The following CDH18 variants were observed in gnomAD, a reference collection of about 807,000 sequenced individuals.
CDH18 encodes the protein cadherin 18, also known as cadherin-18.
Under a neutral mutation model 67.9 loss-of-function variants are expected in CDH18, and 31 were observed. The observed-to-expected ratio is 0.46, with a 90% CI of 0.34 to 0.62. CDH18 has a LOEUF of 0.62. Among genes scored for constraint, CDH18 ranks in the 20% least tolerant of loss-of-function variants. CDH18 has a pLI of 0.01. For missense variants in CDH18, 890 were observed against 975.5 expected (o/e 0.91, Z 1.17); for synonymous variants, 362 against 347.2 (o/e 1.04, Z -0.48).
At chr5:19,728,217 A>G (rs919706203) in intron 4 of CDH18, among the ~76,000 whole-genome samples, 11 of 152,170 alleles carry the variant, frequency 7.2e-5, no homozygotes, top group African/African-American at 2.4e-4. Context: ...TGGTTTCCCA[A>G]TTAAAGAAAA....
chr5:19,578,197 T>C (rs528039471), intron 7 of CDH18, among the ~76,000 whole-genome samples: 1 of 152,352 alleles, frequency 6.6e-6, no homozygotes, highest in African/African-American at 2.4e-5. Flanking sequence ...GAAACGAATG[T>C]AAATTTGTCT....
chr5:20,455,847 G>A (rs1363773550), intron 1 of CDH18, among the ~76,000 whole-genome samples: 1 of 151,894 alleles, frequency 6.6e-6, no homozygotes, highest in Non-Finnish European at 1.5e-5. Flanking sequence ...CCTTTCTCAT[G>A]TCTTTCACTT....
At chr5:19,995,221 A>G (rs1326248141) in intron 2 of CDH18, among the ~76,000 whole-genome samples, 3 of 152,054 alleles carry the variant, frequency 2.0e-5, no homozygotes, top group South Asian at 4.1e-4. Context: ...TCTAAGCATC[A>G]CTTAGCCCAG....
chr5:20,469,557 G>A (rs567712349), intron 1 of CDH18, among the ~76,000 whole-genome samples: 4 of 152,146 alleles, frequency 2.6e-5, no homozygotes, highest in African/African-American at 7.2e-5. Context: ...CGGATACCCC[G>A]ATCTTCCTTG....
intron 2 of CDH18, among the ~76,000 whole-genome samples, chr5:20,034,749 C>A (rs1458467775): frequency 6.6e-6 from 1 of 151,992 alleles, no homozygotes; most frequent in African/African-American, 2.4e-5. Flanking sequence ...GACTACTCAA[C>A]CTTCATAATT....
At chr5:19,618,797 C>T (rs1177961982) in intron 5 of CDH18, among the ~76,000 whole-genome samples, 1 of 152,088 alleles carries the variant, frequency 6.6e-6, no homozygotes. Flanking sequence ...ACATATGGTA[C>T]CTGGCCTTAA....
chr5:19,556,333 A>T (rs757962055), intron 8 of CDH18, among the ~76,000 whole-genome samples: 1 of 152,208 alleles, frequency 6.6e-6, no homozygotes, highest in Admixed American at 6.5e-5. Context: ...TCAAGGAAGC[A>T]CTAGAGAAAG....
intron 5 of CDH18, among the ~76,000 whole-genome samples, chr5:19,614,628 G>A (rs538956401): frequency 2.7e-4 from 41 of 152,112 alleles, no homozygotes; most frequent in South Asian, 2.1e-3. Context: ...AGAAATATGA[G>A]ATTATTATCA....
intron 10 of CDH18, among the ~76,000 whole-genome samples, chr5:19,520,324 T>C (rs550521756): frequency 6.6e-6 from 1 of 152,280 alleles, no homozygotes; most frequent in East Asian, 1.9e-4. Context: ...CACAATCAAG[T>C]CCATCAACCT....
chr5:20,212,749 T>C (rs1740451633), intron 2 of CDH18, among the ~76,000 whole-genome samples: 1 of 152,098 alleles, frequency 6.6e-6, no homozygotes, highest in South Asian at 2.1e-4. Context: ...TTGCTAAAAT[T>C]GCTAACTATC....
intron 2 of CDH18, chr5:19,886,159 C>T (rs1333092666): frequency 6.6e-6 from 1 of 152,198 alleles, no homozygotes; most frequent in Non-Finnish European, 1.5e-5. Flanking sequence ...ATCTTTATTA[C>T]TTGATACTGG....
chr5:20,007,319 G>A (rs1736984421), intron 2 of CDH18, among the ~76,000 whole-genome samples: 1 of 151,828 alleles, frequency 6.6e-6, no homozygotes, highest in Admixed American at 6.6e-5. Flanking sequence ...TAAAGATGCT[G>A]ATCTGACACG....
chr5:20,199,310 GC>G (rs1457989117), intron 2 of CDH18, among the ~76,000 whole-genome samples: 1 of 152,214 alleles, frequency 6.6e-6, no homozygotes, highest in Admixed American at 6.5e-5. Flanking sequence ...CCCACCTCTT[GC>G]ATCAACGTGA....
At chr5:20,476,961 G>C (rs1172633571) in intron 1 of CDH18, among the ~76,000 whole-genome samples, 1 of 152,110 alleles carries the variant, frequency 6.6e-6, no homozygotes, top group Non-Finnish European at 1.5e-5. Context: ...AGGTTACCAA[G>C]TAATCTTTTA....
At chr5:19,929,542 T>G (rs1190660751) in intron 2 of CDH18, among the ~76,000 whole-genome samples, 1 of 152,114 alleles carries the variant, frequency 6.6e-6, no homozygotes, top group African/African-American at 2.4e-5. Flanking sequence ...CTTCAGAGTA[T>G]TTTCATACCC....
chr5:20,416,099 T>C (rs1437720584), intron 1 of CDH18, among the ~76,000 whole-genome samples: 3 of 152,186 alleles, frequency 2.0e-5, no homozygotes, highest in Non-Finnish European at 4.4e-5. Context: ...CTATATGGTA[T>C]ATTTAGAAAT....
intron 3 of CDH18, among the ~76,000 whole-genome samples, chr5:19,795,292 G>A (rs75207748): frequency 0.026 from 3,961 of 152,278 alleles, 76 homozygotes; most frequent in Non-Finnish European, 0.041. Flanking sequence ...AAGCATGTTT[G>A]ACTTCGTGGT....
At chr5:20,312,417 A>T (rs1390048359) in intron 1 of CDH18, among the ~76,000 whole-genome samples, 9 of 152,312 alleles carry the variant, frequency 5.9e-5, no homozygotes, top group African/African-American at 2.2e-4. Flanking sequence ...TAAAAAATAG[A>T]AGACAAAAAG....
rs1378670056 is a variant in CDH18, at chr5:20,225,426, TA to T, written c.-518+30017del. Among the ~76,000 whole-genome samples, 9 of 152,182 alleles carry T rather than the reference TA, an allele frequency of 5.9e-5. No homozygotes were observed. In the East Asian group the frequency reaches 1.7e-3, roughly 29 times the overall value. ...CTTTCTACGTCATAAAGAGAGTAGA[TA>T]AAAAAAGACCTTTACGTTTAAATAA... is the stretch of plus-strand genomic sequence containing the variant. On this transcript the variant is annotated intron_variant, in intron 2 of 14. Transcript: ENST00000507958.
Sources: gnomAD v4.1 joint callset for allele counts (sites outside exome capture counted in the v4.1 genomes callset) on GRCh38, gnomAD v4.1.1 for gene constraint, MANE v1.5 for transcripts, NCBI Gene and HGNC (gene_info 2026-07-23, HGNC 2026-07-21) for gene names.